Variants in DNAH5 observed in about 807,000 individuals in gnomAD.
The protein encoded by DNAH5 is axonemal beta dynein heavy chain 5.
A neutral mutation model predicts 518.2 loss-of-function variants in DNAH5; 372 were observed. That is an observed-to-expected ratio of 0.72 (90% CI 0.66 to 0.78). The LOEUF is 0.78. Among genes scored for constraint, DNAH5 ranks in the 30% least tolerant of loss-of-function variants. The pLI, the probability that DNAH5 is intolerant of heterozygous loss-of-function variation, is 0.00. For missense variants in DNAH5, 5,523 were observed against 5,687.0 expected (o/e 0.97, Z 0.93); for synonymous variants, 2,039 against 2,025.9 (o/e 1.01, Z -0.17).
Position 14,009,438 on chromosome 5 carries a change from C to T in DNAH5, c.12+2210G>A, listed in dbSNP as rs550981042. 1.3e-4 allele frequency among the ~76,000 whole-genome samples: 20 copies of T among 152,320 alleles called. No individual in the cohort carries two copies. The South Asian group carries it at 4.1e-3, about 32-fold the overall frequency. On this transcript the variant is annotated intron_variant, in intron 1 of 78. Transcript: ENST00000681290. ...AGAATTGAACATTCTGTGAAAGTGACATTTCAGGGATGCAACAATTTCTAC... is the reference window on the plus strand; with the variant it reads ...AGAATTGAACATTCTGTGAAAGTGATATTTCAGGGATGCAACAATTTCTAC...
In DNAH5 at chr5:13,821,277, T is replaced by C. The variant is rs542813922; in HGVS notation, c.6688-778A>G. On this transcript the variant is annotated intron_variant, in intron 40 of 78. Transcript: ENST00000265104. Reference sequence around the variant, plus strand: ...AGCAAAATGTATTTTAAATGTTTAATTTAAAAGGTAATACTTACAACTAGA... The same window carrying C: ...AGCAAAATGTATTTTAAATGTTTAACTTAAAAGGTAATACTTACAACTAGA... Among the ~76,000 whole-genome samples, 188 of 152,330 alleles carry C rather than the reference T, an allele frequency of 1.2e-3. 2 individuals carry two copies. The highest frequency in any genetic ancestry group is 4.2e-3 in the African/African-American group (175 of 41,584).
chr5:13,807,706 T>A lies in DNAH5; in HGVS notation c.7772A>T (p.Glu2591Val), dbSNP rs201195538. Reference protein sequence around the residue: ...KQGKAVLLIGEQGTAKTVIIK... With the variant: ...KQGKAVLLIGVQGTAKTVIIK... The stretch of plus-strand genomic sequence containing the variant: ...TATTACTGTTTTGGCTGTTCCTTGT[T>A]CACCAATTAATAGCACAGCCTAAAA... The change falls in exon 47 of 79, where the codon GAA becomes GTA. Residue 2591 changes from glutamate to valine, a missense_variant. Transcript: ENST00000265104. The A allele has an allele frequency of 3.7e-6, 6 of 1,607,570 alleles. No homozygotes were observed. Among genetic ancestry groups the A allele is most frequent in the Non-Finnish European group, 5.1e-6 (6 of 1,175,888 alleles).
intron 45 of DNAH5, 86 bp downstream of exon 45, chr5:13,809,973 T>C: frequency 7.6e-7 from 1 of 1,311,808 alleles, no homozygotes; most frequent in Non-Finnish European, 1.1e-6. Context: ...AAATCTCATT[T>C]AGAAAAAATA....
chr5:13,960,830 A>T (rs982318533), intron 1 of DNAH5, among the ~76,000 whole-genome samples: 18 of 152,362 alleles, frequency 1.2e-4, no homozygotes, highest in Non-Finnish European at 2.4e-4. Context: ...CATGCTCAGC[A>T]CATAGGTGCC....
At chr5:13,915,848 A>G (rs1776593391) in intron 9 of DNAH5, among the ~76,000 whole-genome samples, 1 of 152,114 alleles carries the variant, frequency 6.6e-6, no homozygotes, top group South Asian at 2.1e-4. Flanking sequence ...AAGCATCGTT[A>G]TGTTTTTTGG....
intron 22 of DNAH5, among the ~76,000 whole-genome samples, chr5:13,873,326 TAA>T (rs1170631213): frequency 4.6e-5 from 7 of 152,040 alleles, no homozygotes; most frequent in Non-Finnish European, 7.4e-5. Flanking sequence ...AATATTTCAC[TAA>T]GATTGTTACT....
intron 1 of DNAH5, among the ~76,000 whole-genome samples, chr5:14,009,142 A>C (rs762881361): frequency 6.6e-6 from 1 of 152,234 alleles, no homozygotes; most frequent in African/African-American, 2.4e-5. Context: ...TCTGTTTGTT[A>C]AAAGAAAGGC....
Position 13,769,610 on chromosome 5 carries a change from T to C in DNAH5, c.9611A>G (p.Asn3204Ser), listed in dbSNP as rs1438130564. The C allele has an allele frequency of 1.9e-6, 3 of 1,613,338 alleles. No homozygotes were observed. The East Asian group carries it at 6.7e-5, about 36-fold the overall frequency. Residue 3204 changes from asparagine to serine, a missense_variant, in exon 57 of 79, where the codon AAT (asparagine) becomes AGT (serine). Asn to Ser is a conservative substitution (Grantham distance 46). Transcript: ENST00000265104. Reference sequence around the variant, plus strand: ...TTCTTTGAGCTTTTCCAATCCAGTATTCATTCTGGGATTGAAAATCCAAGC... The same window carrying C: ...TTCTTTGAGCTTTTCCAATCCAGTACTCATTCTGGGATTGAAAATCCAAGC... The part of the protein sequence containing the change: ...VEVRTLANRM[N>S]TGLEKLKEAS...
chr5:13,981,965 G>A (rs768901559), intron 1 of DNAH5, among the ~76,000 whole-genome samples: 7 of 152,198 alleles, frequency 4.6e-5, no homozygotes, highest in African/African-American at 7.2e-5. Context: ...TTGTCAGCAC[G>A]ATTCGGTGAA....
chr5:13,985,444 T>C (rs1263254054), intron 1 of DNAH5, among the ~76,000 whole-genome samples: 1 of 130,596 alleles, frequency 7.7e-6, no homozygotes, highest in South Asian at 2.2e-4. Flanking sequence ...TATATATATA[T>C]ATATATATAT....
chr5:13,902,661 A>G (rs1262394030), intron 12 of DNAH5, among the ~76,000 whole-genome samples: 4 of 152,236 alleles, frequency 2.6e-5, no homozygotes, highest in Non-Finnish European at 5.9e-5. Flanking sequence ...TAGACAGTAC[A>G]CAAACAAATG....
chr5:13,805,190 G>A (rs1759392872), intron 47 of DNAH5, among the ~76,000 whole-genome samples: 1 of 152,134 alleles, frequency 6.6e-6, no homozygotes, highest in South Asian at 2.1e-4. Context: ...GGAGCTGATG[G>A]AGATTTGAGT....
intron 29 of DNAH5, among the ~76,000 whole-genome samples, chr5:13,860,968 T>C (rs1415232282): frequency 6.6e-6 from 1 of 152,210 alleles, no homozygotes; most frequent in Non-Finnish European, 1.5e-5. Context: ...ATTTGTATGC[T>C]CTTCACTAGA....
At chr5:13,716,452 T>C (rs1190361190) in intron 74 of DNAH5, 35 bp downstream of exon 74, 2 of 1,494,662 alleles carry the variant, frequency 1.3e-6, no homozygotes, top group Non-Finnish European at 1.9e-6. Context: ...GCTACAGATA[T>C]TTGCTCTATG....
At chr5:13,770,601 A>C in intron 56 of DNAH5, 148 bp downstream of exon 56, 1 of 720,674 alleles carries the variant, frequency 1.4e-6, no homozygotes, top group Non-Finnish European at 2.5e-6. Context: ...TACCCACTAC[A>C]TGCCAGCAGT....
intron 40 of DNAH5, among the ~76,000 whole-genome samples, chr5:13,821,688 T>C (rs1317887087): frequency 1.3e-5 from 2 of 152,232 alleles, no homozygotes; most frequent in Non-Finnish European, 2.9e-5. Context: ...ATTTTTATAA[T>C]AATCATGTAT....
chr5:13,695,084 T>G (rs528236059), intron 78 of DNAH5, among the ~76,000 whole-genome samples: 2 of 152,212 alleles, frequency 1.3e-5, no homozygotes, highest in Non-Finnish European at 2.9e-5. Context: ...TGCAATACTT[T>G]GGAAGCACTA....
rs755231032 is a variant in DNAH5 at position 13,719,146 on chromosome 5, C to T, written c.12280-45G>A. 4.2e-5 allele frequency: 60 copies of T among 1,432,520 alleles called. No individual in the cohort carries two copies. The Admixed American group carries it at 8.8e-4, about 21-fold the overall frequency. 88.7% of individuals were successfully genotyped at this position (1,432,520 alleles called of 1,614,324 possible). A position where few individuals can be genotyped will look rare whatever the true frequency, so the allele number is the denominator to read the frequency against. On this transcript the variant is annotated intron_variant, in intron 71 of 78. Transcript: ENST00000265104. ...GAAATTAGGTAGTTTTGTATTTCACCCAAATTCTAAATTATTACATTCTTT... is the reference window on the plus strand; with the variant it reads ...GAAATTAGGTAGTTTTGTATTTCACTCAAATTCTAAATTATTACATTCTTT...
chr5:13,726,621 A>T (rs180715513), intron 70 of DNAH5, among the ~76,000 whole-genome samples: 1 of 152,346 alleles, frequency 6.6e-6, no homozygotes. Flanking sequence ...AAAAACTGAA[A>T]GGAAAGGTGA....
Sources: allele counts gnomAD v4.1 joint callset (sites outside exome capture counted in the v4.1 genomes callset), GRCh38; gene constraint gnomAD v4.1.1; transcripts MANE v1.5; gene names NCBI Gene and HGNC (gene_info 2026-07-23, HGNC 2026-07-21).